The following ST7L variants were observed in gnomAD, a reference collection of about 807,000 sequenced individuals.
The protein encoded by ST7L is suppression of tumorigenicity 7 like, also known as suppressor of tumorigenicity 7 protein-like.
Under a neutral mutation model 72.5 loss-of-function variants are expected in ST7L, and 57 were observed. That is an observed-to-expected ratio of 0.79 (90% CI 0.64 to 0.98). The LOEUF is 0.98. ST7L is among the 50% of genes least tolerant of loss of function. The pLI, the probability that ST7L is intolerant of heterozygous loss-of-function variation, is 0.00. For missense variants in ST7L, 576 were observed against 672.2 expected (o/e 0.86, Z 1.58); for synonymous variants, 221 against 240.9 (o/e 0.92, Z 0.77).
chr1:112,567,343 T>A (rs1306089261), intron 11 of ST7L, among the ~76,000 whole-genome samples: 1 of 152,196 alleles, frequency 6.6e-6, no homozygotes, highest in Non-Finnish European at 1.5e-5. Context: ...TGTTTTTTTA[T>A]ATGTATATAT....
At chr1:112,539,610 C>T in intron 14 of ST7L, 1 of 785,220 alleles carries the variant, frequency 1.3e-6, no homozygotes, top group Non-Finnish European at 1.5e-6. Flanking sequence ...GAGCTGAGAT[C>T]ACGCCATTGC....
intron 14 of ST7L, among the ~76,000 whole-genome samples, chr1:112,535,434 A>C (rs1054033440): frequency 6.6e-6 from 1 of 151,464 alleles, no homozygotes. Flanking sequence ...GAAGAAGAAG[A>C]AGTACATTGA....
chr1:112,578,362 T>C lies in ST7L; in HGVS notation c.1125A>G (p.Thr375=). ...AICYTAALLK[T]RTVSEKFSPE... ...ACACGTACTTTTCTGAAACAGTCCT[T>C]GTCTTCAACAGTGCTGCTGTGTAAC... Residue 375 remains threonine (T), a synonymous_variant, in exon 10 of 15, where the codon ACA becomes ACG. Coordinates refer to ENST00000358039, the MANE Select transcript of ST7L (RefSeq NM_017744.5). The C allele has an allele frequency of 6.2e-7, 1 of 1,614,166 alleles. No individual in the cohort carries two copies. Among genetic ancestry groups the C allele is most frequent in the Non-Finnish European group, 8.5e-7 (1 of 1,179,996 alleles).
At chr1:112,579,241 G>A (rs558405937) in intron 9 of ST7L, among the ~76,000 whole-genome samples, 5 of 151,632 alleles carry the variant, frequency 3.3e-5, no homozygotes, top group South Asian at 4.2e-4. Context: ...AAAATTAGCC[G>A]GGTGTGATGG....
At position 112,595,223 on chromosome 1, in the gene ST7L, G is replaced by C. The variant is rs187828382; in HGVS notation, c.622+2748C>G. Reference sequence around the variant, plus strand: ...TCTACTAAAAATACAAAATTAGCCGGGCATAGTGGTGCATGCCTGTAATCC... The same window carrying C: ...TCTACTAAAAATACAAAATTAGCCGCGCATAGTGGTGCATGCCTGTAATCC... On this transcript the variant is annotated intron_variant, in intron 5 of 14. Transcript: ENST00000358039. Among the ~76,000 whole-genome samples, 20 of 151,700 alleles carry C rather than the reference G, an allele frequency of 1.3e-4. No homozygotes were observed. In the East Asian group the frequency reaches 3.9e-3, roughly 30 times the overall value.
Position 112,576,975 on chromosome 1 carries a change from A to T in ST7L, c.1245+11T>A, listed in dbSNP as rs951992995. ...AAATAAAGGTAGTATTTTTATCATA[A>T]AATTTCTCACTTTTGGAACATGAGG... On this transcript the variant is annotated intron_variant, in intron 11 of 14. Coordinates refer to ENST00000358039, the MANE Select transcript of ST7L (RefSeq NM_017744.5). 43 of 1,573,414 alleles carry T rather than the reference A, an allele frequency of 2.7e-5. No individual in the cohort carries two copies. The Admixed American group carries it at 7.0e-4, about 26-fold the overall frequency.
At chr1:112,618,195 A>G in intron 1 of ST7L, 1 of 1,215,022 alleles carries the variant, frequency 8.2e-7, no homozygotes, top group South Asian at 1.5e-5. Context: ...TCCTGTCTAC[A>G]GCTAAAGAAT....
chr1:112,618,729 G>T, intron 1 of ST7L, 180 bp downstream of exon 1: 1 of 1,310,932 alleles, frequency 7.6e-7, no homozygotes, highest in Non-Finnish European at 1.0e-6. Context: ...GCCGGTAACG[G>T]CAGCAGGCTT....
intron 14 of ST7L, among the ~76,000 whole-genome samples, chr1:112,541,177 CG>C (rs959122310): frequency 2.0e-5 from 3 of 151,122 alleles, no homozygotes; most frequent in African/African-American, 7.3e-5. Flanking sequence ...CCCAGCTACT[CG>C]GGGGGCTGAG....
At chr1:112,558,687 A>G (rs1316318777) in intron 11 of ST7L, among the ~76,000 whole-genome samples, 3 of 152,224 alleles carry the variant, frequency 2.0e-5, no homozygotes, top group Non-Finnish European at 2.9e-5. Flanking sequence ...AAAGGAATGC[A>G]GTAGAGGTTG....
chr1:112,540,913 A>T, intron 14 of ST7L: 1 of 1,194,578 alleles, frequency 8.4e-7, no homozygotes, highest in Non-Finnish European at 1.1e-6. Context: ...ATGCATTTTT[A>T]AAAAGGCTTG....
In ST7L at chr1:112,618,973, C is replaced by G. The variant is rs1479684767; in HGVS notation, c.141G>C (p.Val47=). ...GGGCGTAAAGCAGCCCCAGCCCCGC[C>G]ACGAACCACAACGAGGCCCCAGTCC... The part of the protein sequence containing the change: ...LAGTGASLWF[V]AGLGLLYALR... Residue 47 remains valine (V), a synonymous_variant, in exon 1 of 15, where the codon GTG becomes GTC. Coordinates refer to ENST00000358039, the MANE Select transcript of ST7L (RefSeq NM_017744.5). The G allele has an allele frequency of 6.2e-7, 1 of 1,608,570 alleles. No individual in the cohort carries two copies. The highest frequency in any genetic ancestry group is 1.1e-5 in the South Asian group (1 of 90,274).
intron 11 of ST7L, among the ~76,000 whole-genome samples, chr1:112,568,861 A>ATAT (rs1661536936): frequency 0.012 from 1,404 of 114,632 alleles, 12 homozygotes; most frequent in Non-Finnish European, 0.018. Context: ...TATAAATATA[A>ATAT]ATATATATAT....
intron 4 of ST7L, among the ~76,000 whole-genome samples, chr1:112,598,917 G>A (rs866992496): frequency 4.1e-4 from 61 of 150,048 alleles, no homozygotes; most frequent in African/African-American, 1.3e-3. Context: ...AAAATTAGCC[G>A]CATGTGGTAG....
intron 13 of ST7L, 82 bp downstream of exon 13, chr1:112,550,519 G>T (rs1288732808): frequency 1.9e-6 from 2 of 1,032,862 alleles, no homozygotes; most frequent in Non-Finnish European, 2.9e-6. Context: ...TAAACCAAAG[G>T]CATTTTTAAA....
At chr1:112,610,807 C>A (rs111871598) in intron 3 of ST7L, 34 bp downstream of exon 3, 1 of 1,606,918 alleles carries the variant, frequency 6.2e-7, no homozygotes, top group South Asian at 1.1e-5. Flanking sequence ...ATCTTAAATA[C>A]ACAGCTCTGA....
At chr1:112,564,117 T>C (rs1169216648) in intron 11 of ST7L, among the ~76,000 whole-genome samples, 1 of 152,120 alleles carries the variant, frequency 6.6e-6, no homozygotes, top group Admixed American at 6.6e-5. Flanking sequence ...CTAAAGACAG[T>C]TCCCAGATAG....
Position 112,598,060 on chromosome 1 carries a change from G to A in ST7L, c.533C>T (p.Pro178Leu), listed in dbSNP as rs754270690. 5.0e-6 allele frequency: 8 copies of A among 1,612,484 alleles called. No homozygotes were observed. Among genetic ancestry groups the A allele is most frequent in the African/African-American group, 4.0e-5 (3 of 74,822 alleles). Residue 178 changes from proline (P) to leucine (L), a missense_variant, in exon 5 of 15, where the codon CCA (proline) becomes CTA (leucine). Transcript: ENST00000358039. ...RRYTWVTGKE[P>L]LTYYDMNLSA... The stretch of plus-strand genomic sequence containing the variant: ...CAGGTTCATGTCATAGTATGTAAGT[G>A]GCTCTTTACCAGTCACCCAAGTGTA...
chr1:112,604,985 G>A (rs55652172), intron 3 of ST7L, among the ~76,000 whole-genome samples: 28,840 of 150,004 alleles, frequency 0.19, 3,413 homozygotes, highest in East Asian at 0.45. Flanking sequence ...TACTCGGGAG[G>A]CTGAGGCAGG....
Sources: gnomAD v4.1 joint callset for allele counts (sites outside exome capture counted in the v4.1 genomes callset) on GRCh38, gnomAD v4.1.1 for gene constraint, MANE v1.5 for transcripts, NCBI Gene and HGNC (gene_info 2026-07-23, HGNC 2026-07-21) for gene names.